RIT2: variants seen among roughly 807,000 people sequenced by gnomAD.
RIT2 encodes the protein GTP-binding protein Rit2.
RIT2 carries 24 observed loss-of-function variants against 23.7 expected under a neutral mutation model. The observed-to-expected ratio is 1.01, with a 90% CI of 0.73 to 1.43. The LOEUF (loss-of-function observed/expected upper bound fraction) is 1.43, where lower values mean the gene tolerates loss of function less well. RIT2 is among the 40% of genes most tolerant of loss of function. RIT2 has a pLI of 0.00. For synonymous variants in RIT2, 107 were observed against 91.1 expected, an observed-to-expected ratio of 1.17 and a Z score of -0.99; for missense variants, 236 against 266.9, an observed-to-expected ratio of 0.88 and a Z score of 0.81.
chr18:42,973,284 CCTT>C (rs1181658840), intron 3 of RIT2, among the ~76,000 whole-genome samples: 1 of 151,692 alleles, frequency 6.6e-6, no homozygotes, highest in Non-Finnish European at 1.5e-5. Flanking sequence ...CATTATACCT[CCTT>C]GTTACCTTTT....
rs62092691 is a variant in RIT2 at position 43,044,267 on chromosome 18, C to G, written c.104-10400G>C. ...GAAATTGGGTAAGAGGTATCCCGATCCCACTTTAATGACAGCTTTCATTTT... is the reference window on the plus strand; with the variant it reads ...GAAATTGGGTAAGAGGTATCCCGATGCCACTTTAATGACAGCTTTCATTTT... On this transcript the variant is annotated intron_variant, in intron 1 of 4. Coordinates refer to ENST00000326695, the MANE Select transcript of RIT2 (RefSeq NM_002930.4). Among the ~76,000 whole-genome samples the G allele has an allele frequency of 2.5e-4, 38 of 152,152 alleles. No individual in the cohort carries two copies. In the East Asian group the frequency reaches 6.0e-3, roughly 24 times the overall value.
chr18:43,087,921 T>A (rs147692124), intron 1 of RIT2, among the ~76,000 whole-genome samples: 2,847 of 152,288 alleles, frequency 0.019, 35 homozygotes, highest in Middle Eastern at 0.027. Context: ...TAGTTACACA[T>A]AATTTCAATC....
At chr18:43,024,097 C>T (rs555677586) in intron 2 of RIT2, among the ~76,000 whole-genome samples, 73 of 152,050 alleles carry the variant, frequency 4.8e-4, no homozygotes, top group East Asian at 7.8e-4. Flanking sequence ...TTTTATAGGC[C>T]GTTGTCAGTT....
At chr18:42,871,641 G>A (rs1041397575) in intron 4 of RIT2, among the ~76,000 whole-genome samples, 12 of 152,008 alleles carry the variant, frequency 7.9e-5, no homozygotes, top group African/African-American at 1.9e-4. Context: ...AAACACAATC[G>A]CCAAAACTCA....
intron 4 of RIT2, among the ~76,000 whole-genome samples, chr18:42,763,338 T>C (rs935843781): frequency 6.6e-6 from 1 of 152,086 alleles, no homozygotes; most frequent in Non-Finnish European, 1.5e-5. Flanking sequence ...GGCAGGCCCC[T>C]GTAGTCCCAG....
intron 4 of RIT2, among the ~76,000 whole-genome samples, chr18:42,831,314 C>CA (rs1377346983): frequency 6.6e-6 from 1 of 152,176 alleles, no homozygotes; most frequent in Non-Finnish European, 1.5e-5. Flanking sequence ...TCTAGACAAG[C>CA]AAATGCTTCA....
At chr18:42,905,771 C>G (rs1005529990) in intron 4 of RIT2, among the ~76,000 whole-genome samples, 1 of 151,418 alleles carries the variant, frequency 6.6e-6, no homozygotes. Context: ...CCGTGCCCGG[C>G]CAAACACATG....
At chr18:42,987,133 A>ATG (rs143564051) in intron 2 of RIT2, among the ~76,000 whole-genome samples, 23 of 151,808 alleles carry the variant, frequency 1.5e-4, no homozygotes, top group South Asian at 4.2e-4. Context: ...ATATACACAT[A>ATG]TGTGTGTGTG....
intron 2 of RIT2, among the ~76,000 whole-genome samples, chr18:42,980,363 C>T (rs1326094579): frequency 1.3e-5 from 2 of 152,060 alleles, no homozygotes; most frequent in Non-Finnish European, 2.9e-5. Context: ...TGATATCTGA[C>T]TTACACAGCA....
At chr18:43,014,932 G>T (rs963687808) in intron 2 of RIT2, among the ~76,000 whole-genome samples, 36 of 151,656 alleles carry the variant, frequency 2.4e-4, no homozygotes, top group African/African-American at 8.7e-4. Flanking sequence ...ATTGCATGTA[G>T]AATAGCCAGA....
intron 4 of RIT2, among the ~76,000 whole-genome samples, chr18:42,785,764 G>A (rs946434234): frequency 6.6e-6 from 1 of 152,234 alleles, no homozygotes; most frequent in Non-Finnish European, 1.5e-5. Context: ...GAGATGGCAG[G>A]CAACACACAG....
At chr18:43,024,929 C>T (rs1179523795) in intron 2 of RIT2, among the ~76,000 whole-genome samples, 6 of 151,856 alleles carry the variant, frequency 4.0e-5, no homozygotes, top group East Asian at 3.9e-4. Flanking sequence ...GCCAACAGGC[C>T]GGGTGCGGTG....
chr18:43,100,892 T>C (rs1480231707), intron 1 of RIT2, among the ~76,000 whole-genome samples: 2 of 152,058 alleles, frequency 1.3e-5, no homozygotes, highest in East Asian at 3.9e-4. Context: ...CACTGCCTTC[T>C]CCCTTCCTTG....
intron 4 of RIT2, among the ~76,000 whole-genome samples, chr18:42,896,067 C>A (rs987319984): frequency 6.6e-6 from 1 of 152,114 alleles, no homozygotes; most frequent in Non-Finnish European, 1.5e-5. Context: ...AGTTCGAGAC[C>A]AGCCTGGTTA....
At chr18:42,814,801 C>T (rs888929003) in intron 4 of RIT2, among the ~76,000 whole-genome samples, 1 of 152,146 alleles carries the variant, frequency 6.6e-6, no homozygotes, top group African/African-American at 2.4e-5. Context: ...GCTAAGAACC[C>T]TTACAGAGTC....
chr18:42,780,082 T>C, intron 4 of RIT2, among the ~76,000 whole-genome samples: 1 of 106,820 alleles, frequency 9.4e-6, no homozygotes, highest in African/African-American at 3.4e-5. Flanking sequence ...TTTGCCAAGG[T>C]TAGGGATCAT....
At chr18:42,886,679 C>T (rs1908030925) in intron 4 of RIT2, among the ~76,000 whole-genome samples, 1 of 151,982 alleles carries the variant, frequency 6.6e-6, no homozygotes, top group Non-Finnish European at 1.5e-5. Context: ...ATAATGAATG[C>T]TAACATAATT....
intron 1 of RIT2, among the ~76,000 whole-genome samples, chr18:43,076,902 G>T (rs1445113869): frequency 6.6e-6 from 1 of 151,744 alleles, no homozygotes; most frequent in Non-Finnish European, 1.5e-5. Context: ...AGGAGATCGA[G>T]ACCATCCCGG....
rs114294809 is a variant in RIT2 at position 43,103,107 on chromosome 18, G to A, written c.103+12310C>T. Among the ~76,000 whole-genome samples the A allele has an allele frequency of 1.8e-3, 281 of 152,206 alleles. 1 individual carries two copies. Among genetic ancestry groups the A allele is most frequent in the African/African-American group, 6.4e-3 (267 of 41,538 alleles). On this transcript the variant is annotated intron_variant, in intron 1 of 4. Transcript: ENST00000326695. ...TGGTCACCAAAGATTGTTAATGCTG[G>A]CCTGAGTCTAGGTTGTTCCCAAGCC... is the stretch of plus-strand genomic sequence containing the variant.
Sources: gnomAD v4.1 joint callset for allele counts (sites outside exome capture counted in the v4.1 genomes callset) on GRCh38, gnomAD v4.1.1 for gene constraint, MANE v1.5 for transcripts, NCBI Gene and HGNC (gene_info 2026-07-23, HGNC 2026-07-21) for gene names.